VRK2: variants seen among roughly 807,000 people sequenced by gnomAD.
The protein encoded by VRK2 is serine/threonine-protein kinase VRK2.
A neutral mutation model predicts 57.6 loss-of-function variants in VRK2; 60 were observed. The observed-to-expected ratio is 1.04, with a 90% confidence interval of 0.85 to 1.29. VRK2 has a LOEUF of 1.29. Among genes scored for constraint, VRK2 ranks in the 50% most tolerant of loss-of-function variants. The pLI is 0.00. For synonymous variants in VRK2, 231 were observed against 199.2 expected, an observed-to-expected ratio of 1.16 and a Z score of -1.35; for missense variants, 705 against 588.1, an observed-to-expected ratio of 1.20 and a Z score of -2.06.
rs1281605767 is a variant in VRK2, at chr2:57,910,171, C to T, written c.-439+2332C>T. On this transcript the variant is annotated intron_variant, in intron 1 of 15. Coordinates refer to the VRK2 transcript ENST00000417641. Reference sequence around the variant, plus strand: ...TCGTTGATCTATTTTCTACAAAACACGTAGCTAGCTATTCCTACATGGCTG... The same window carrying T: ...TCGTTGATCTATTTTCTACAAAACATGTAGCTAGCTATTCCTACATGGCTG... Among the ~76,000 whole-genome samples, 7 of 151,410 alleles carry T rather than the reference C, an allele frequency of 4.6e-5. No homozygotes were observed. In the East Asian group the frequency reaches 7.8e-4, roughly 17 times the overall value.
intron 1 of VRK2, among the ~76,000 whole-genome samples, chr2:57,919,979 A>G (rs1185207692): frequency 6.6e-6 from 1 of 152,152 alleles, no homozygotes; most frequent in Non-Finnish European, 1.5e-5. Flanking sequence ...GATAGTAATT[A>G]ACCATCTACT....
At chr2:58,028,899 AATAAATATATAT>A (rs1244915311) in intron 2 of VRK2, among the ~76,000 whole-genome samples, 902 of 80,776 alleles carry the variant, frequency 0.011, 6 homozygotes, top group African/African-American at 0.024. Context: ...TAAATAAATA[AATAAATATATAT>A]ATATATATAT....
intron 11 of VRK2, among the ~76,000 whole-genome samples, chr2:58,145,497 C>A (rs1255518286): frequency 6.6e-6 from 1 of 151,944 alleles, no homozygotes; most frequent in Non-Finnish European, 1.5e-5. Flanking sequence ...ACACTCCCAG[C>A]AAAGGTTAAT....
intron 7 of VRK2, among the ~76,000 whole-genome samples, chr2:58,107,140 A>T (rs554065851): frequency 6.6e-6 from 1 of 150,780 alleles, no homozygotes; most frequent in Non-Finnish European, 1.5e-5. Context: ...TATTGTGAAG[A>T]TTTTTGCCTT....
At chr2:57,937,532 A>C (rs1464967842) in intron 1 of VRK2, among the ~76,000 whole-genome samples, 1 of 152,206 alleles carries the variant, frequency 6.6e-6, no homozygotes, top group Non-Finnish European at 1.5e-5. Flanking sequence ...GTGTAAGTGC[A>C]TTATTTACAT....
chr2:58,047,468 G>A, intron 1 of VRK2: 1 of 985,386 alleles, frequency 1.0e-6, no homozygotes, highest in Non-Finnish European at 1.2e-6. Context: ...TCGCCCCCAG[G>A]ATGTACATTT....
chr2:58,078,688 T>C (rs910396048), intron 2 of VRK2, among the ~76,000 whole-genome samples: 1 of 152,062 alleles, frequency 6.6e-6, no homozygotes, highest in East Asian at 1.9e-4. Context: ...ACAAATTTTG[T>C]TTGTTTTTAT....
intron 1 of VRK2, among the ~76,000 whole-genome samples, chr2:57,949,294 TTTATGAATTG>T (rs1199618440): frequency 6.6e-6 from 1 of 152,308 alleles, no homozygotes; most frequent in South Asian, 2.1e-4. Flanking sequence ...TATTATGTTT[TTTATGAATTG>T]AAGCTTTGTG....
intron 1 of VRK2, among the ~76,000 whole-genome samples, chr2:57,914,684 C>G (rs1468683165): frequency 2.0e-5 from 3 of 152,092 alleles, no homozygotes; most frequent in African/African-American, 7.2e-5. Context: ...GATGTATATA[C>G]ATTCACTAAT....
intron 2 of VRK2, among the ~76,000 whole-genome samples, chr2:58,050,867 CAG>C (rs1427498031): frequency 2.7e-5 from 4 of 150,798 alleles, no homozygotes; most frequent in African/African-American, 4.9e-5. Flanking sequence ...TTTTTTGAGA[CAG>C]AGTCTCGCTC....
chr2:58,038,774 T>C (rs888744172), intron 3 of VRK2, among the ~76,000 whole-genome samples: 13 of 152,270 alleles, frequency 8.5e-5, no homozygotes, highest in African/African-American at 1.4e-4. Flanking sequence ...TAAAAAAATT[T>C]AGCATCAATA....
At chr2:57,972,984 T>A (rs931229869) in intron 1 of VRK2, among the ~76,000 whole-genome samples, 3 of 151,956 alleles carry the variant, frequency 2.0e-5, no homozygotes, top group African/African-American at 7.2e-5. Flanking sequence ...TAGTGAGTAG[T>A]CTTGTGAACA....
intron 1 of VRK2, among the ~76,000 whole-genome samples, chr2:57,953,218 C>A (rs888549966): frequency 6.6e-6 from 1 of 152,182 alleles, no homozygotes; most frequent in African/African-American, 2.4e-5. Context: ...AAAGGAGAAA[C>A]AGAGATCACT....
At chr2:58,116,656 C>T (rs1461978288) in intron 7 of VRK2, among the ~76,000 whole-genome samples, 1 of 152,192 alleles carries the variant, frequency 6.6e-6, no homozygotes, top group East Asian at 1.9e-4. Context: ...GTCTATGGGG[C>T]TTCCGAGGCA....
intron 7 of VRK2, among the ~76,000 whole-genome samples, chr2:58,090,400 CAAAA>C (rs888066524): frequency 2.0e-5 from 1 of 49,334 alleles, no homozygotes; most frequent in Admixed American, 2.1e-4. Flanking sequence ...AACTCCATCT[CAAAA>C]AAAAAAAAAA....
intron 4 of VRK2, 70 bp from the exon 5 acceptor site, chr2:58,086,269 G>T (rs1194321785): frequency 7.5e-7 from 1 of 1,341,846 alleles, no homozygotes. Flanking sequence ...AAATAAATTT[G>T]TCTGTAGAAA....
chr2:58,061,899 T>C (rs1245513972), intron 2 of VRK2, among the ~76,000 whole-genome samples: 1 of 151,916 alleles, frequency 6.6e-6, no homozygotes, highest in African/African-American at 2.4e-5. Context: ...AGGGTTCTGG[T>C]CTCCTGTCCC....
intron 1 of VRK2, among the ~76,000 whole-genome samples, chr2:57,932,297 G>A (rs1670754522): frequency 6.6e-6 from 1 of 152,076 alleles, no homozygotes; most frequent in Admixed American, 6.5e-5. Flanking sequence ...GATGTCTGAT[G>A]GAATTTACCA....
upstream of VRK2, among the ~76,000 whole-genome samples, chr2:58,044,412 A>T (rs1558557408): frequency 6.6e-6 from 1 of 152,262 alleles, no homozygotes; most frequent in African/African-American, 2.4e-5. Flanking sequence ...TTGAAGAAGG[A>T]AATGGTTGCC....
Sources: gnomAD v4.1 joint callset for allele counts (sites outside exome capture counted in the v4.1 genomes callset) on GRCh38, gnomAD v4.1.1 for gene constraint, MANE v1.5 for transcripts, NCBI Gene and HGNC (gene_info 2026-07-23, HGNC 2026-07-21) for gene names.